TRO: variants seen among roughly 807,000 people sequenced by gnomAD.
The protein encoded by TRO is MAGE superfamily protein.
A neutral mutation model predicts 42.3 loss-of-function variants in TRO; 29 were observed. That is an observed-to-expected ratio of 0.68 (90% CI 0.51 to 0.93). TRO has a LOEUF of 0.93. TRO is among the 40% of genes least tolerant of loss of function. The pLI is 0.00. For synonymous variants in TRO, 384 were observed against 425.2 expected (o/e 0.90, Z 1.19); for missense variants, 963 against 1,127.7 (o/e 0.85, Z 2.09).
chrX:54,927,283 C>A, intron 10 of TRO, 178 bp downstream of exon 10: 1 of 549,107 alleles, frequency 1.8e-6, no homozygotes, highest in Non-Finnish European at 3.0e-6. Flanking sequence ...CTGGGCCAGA[C>A]TCAACACAAG....
chrX:54,921,402 A>T (rs1167904722), intron 1 of TRO: 6 of 110,376 alleles, frequency 5.4e-5, no homozygotes, highest in African/African-American at 1.7e-4. Context: ...TTTGAAAGGG[A>T]AGAGACAGGA....
At chrX:54,925,785 A>T (rs1932682340) in intron 7 of TRO, 102 bp downstream of exon 7, 2 of 707,660 alleles carry the variant, frequency 2.8e-6, no homozygotes, top group Non-Finnish European at 4.2e-6. Context: ...AGAGTCAGGA[A>T]AAACAGGGTC....
At chrX:54,925,804 C>G in intron 7 of TRO, 121 bp downstream of exon 7, 1 of 553,578 alleles carries the variant, frequency 1.8e-6, no homozygotes, top group Non-Finnish European at 2.9e-6. Context: ...TCTCAAAAGC[C>G]CTGTCTCAGC....
At chrX:54,931,082 TG>T (rs764346131) in intron 12 of TRO, 51 bp downstream of exon 12, 29 of 1,171,594 alleles carry the variant, frequency 2.5e-5, no homozygotes, top group Non-Finnish European at 3.1e-5. Context: ...GTACAAGAGC[TG>T]GGAGATGTTG....
At chrX:54,924,181 T>C (rs1932476460) in intron 3 of TRO, among the ~76,000 whole-genome samples, 1 of 111,918 alleles carries the variant, frequency 8.9e-6, no homozygotes, top group South Asian at 3.7e-4. Context: ...GCCAGCATAA[T>C]TGGTGGTAGC....
In TRO at chrX:54,923,114, A is replaced by G; in HGVS notation, c.582A>G (p.Gln194=). 1 of 1,211,803 alleles carries G rather than the reference A, an allele frequency of 8.3e-7. No individual in the cohort carries two copies. ...TTGCCAATGAGTCAGCCAGTTCCCA[A>G]GCCTTGATAACCTCTATCAAGCCTA... ...APIANESASS[Q]ALITSIKPKK... is the part of the protein sequence containing the mutation. The change falls in exon 3 of 13, where the codon CAA becomes CAG. Residue 194 remains glutamine (Q), a synonymous_variant. Coordinates refer to ENST00000173898, the MANE Select transcript of TRO (RefSeq NM_001039705.3).
At position 54,923,302 on chromosome X, in the gene TRO, C is replaced by G; in HGVS notation, c.770C>G (p.Ala257Gly). ...GCAGCCTCCATCCGAACCAAGAAAGCCTCCAAAGCCAGGAAGACAATTGCT... is the reference window on the plus strand; with the variant it reads ...GCAGCCTCCATCCGAACCAAGAAAGGCTCCAAAGCCAGGAAGACAATTGCT... ...TTAASIRTKK[A>G]SKARKTIAKV... Residue 257 changes from alanine to glycine, a missense_variant, in exon 3 of 13, where the codon GCC becomes GGC. Physicochemically the swap from Ala to Gly is moderately conservative, Grantham distance 60. Around this residue, in one of 2 missense-constraint regions of TRO, gnomAD observed 322 missense variants for 316.5 expected, o/e 1.02. Transcript: ENST00000173898. 8.3e-7 allele frequency: 1 copy of G among 1,211,234 alleles called. No homozygotes were observed. Among genetic ancestry groups the G allele is most frequent in the Non-Finnish European group, 1.1e-6 (1 of 895,287 alleles).
Position 54,928,656 on chromosome X carries a change from G to A in TRO, c.1932G>A (p.Glu644=), listed in dbSNP as rs1172650651. Residue 644 remains glutamate (E), a synonymous_variant, in exon 12 of 13, where the codon GAG becomes GAA. Transcript: ENST00000173898. ...CTGTGCAGTACCGCGAGGCAGTGGA[G>A]ATGGAAGTCCAAGCTGCAGCTGTGG... is the stretch of plus-strand genomic sequence containing the variant. ...DWAVQYREAV[E]MEVQAAAVAV... is the part of the protein sequence containing the mutation. 1 of 1,197,535 alleles carries A rather than the reference G, an allele frequency of 8.4e-7. No homozygotes were observed. The highest frequency in any genetic ancestry group is 1.1e-6 in the Non-Finnish European group (1 of 888,547).
chrX:54,928,618 C>G lies in TRO; in HGVS notation c.1894C>G (p.Pro632Ala). The G allele has an allele frequency of 8.7e-7, 1 of 1,146,658 alleles. No individual in the cohort carries two copies. The highest frequency in any genetic ancestry group is 1.2e-6 in the Non-Finnish European group (1 of 865,251). 94.5% of individuals were successfully genotyped at this position (1,146,658 alleles called of 1,213,427 possible). ...KFACRVQKKD[P>A]KDWAVQYREA... ...CCCATTTCAGGTGCAGAAGAAAGAC[C>G]CCAAGGACTGGGCTGTGCAGTACCG... Residue 632 changes from proline (P) to alanine (A), a missense_variant, in exon 12 of 13, where the codon CCC becomes GCC. Around this residue, in one of 2 missense-constraint regions of TRO, gnomAD observed 641 missense variants for 811.3 expected, o/e 0.79. Transcript: ENST00000173898.
At position 54,924,996 on chromosome X, in the gene TRO, G is replaced by A. The variant is rs372496542; in HGVS notation, c.1413G>A (p.Leu471=). 1 of 1,209,277 alleles carries A rather than the reference G, an allele frequency of 8.3e-7. No individual in the cohort carries two copies. The highest frequency in any genetic ancestry group is 1.7e-5 in the African/African-American group (1 of 57,358). ...TKIPIKRSDM[L]RDVIQEYDEY... ...ACCTCTCCTTTTCTACAGACATGCT[G>A]AGGGATGTCATCCAAGAATATGATG... The change falls in exon 6 of 13, where the codon CTG becomes CTA. Residue 471 remains leucine, a synonymous_variant. Transcript: ENST00000173898.
chrX:54,930,032 T>C lies in TRO; in HGVS notation c.3308T>C (p.Phe1103Ser). ...ACCAACCCTGGCTTTGGCGGTGCAT[T>C]TAGCACCAGTGCTGGCTTCGGTGGG... ...PITNPGFGGA[F>S]STSAGFGGAL... Residue 1103 changes from phenylalanine to serine, a missense_variant, in exon 12 of 13, where the codon TTT becomes TCT. Physicochemically the swap from Phe to Ser is radical, Grantham distance 155. Around this residue, in one of 2 missense-constraint regions of TRO, gnomAD observed 641 missense variants for 811.3 expected, o/e 0.79. Coordinates refer to ENST00000173898, the MANE Select transcript of TRO (RefSeq NM_001039705.3). 1 of 1,211,396 alleles carries C rather than the reference T, an allele frequency of 8.3e-7. No homozygotes were observed. The highest frequency in any genetic ancestry group is 1.8e-5 in the South Asian group (1 of 56,979).
At position 54,927,593 on chromosome X, in the gene TRO, G is replaced by T. The variant is rs1932810342; in HGVS notation, c.1764-74G>T. The T allele has an allele frequency of 1.5e-5, 12 of 782,897 alleles. No individual in the cohort carries two copies. The East Asian group carries it at 3.6e-4, about 23-fold the overall frequency. The allele number at this position is 782,897 out of a possible 1,213,427, so 64.5% of individuals were successfully genotyped here. On this transcript the variant is annotated intron_variant, in intron 10 of 12. Transcript: ENST00000173898. ...GGCTGTTTGTATTTGTTTGGAGGAG[G>T]TTGCCACCTGGTGTCTAGTGCTTAG...
In TRO at chrX:54,928,748, C is replaced by T. The variant is rs774494817; in HGVS notation, c.2024C>T (p.Ala675Val). The change falls in exon 12 of 13, where the codon GCT becomes GTT. Residue 675 changes from alanine to valine, a missense_variant. Coordinates refer to ENST00000173898, the MANE Select transcript of TRO (RefSeq NM_001039705.3). ...ATGGGGATTGGAGAGGAAGCTGTGG[C>T]TGGGCCCTGGAATTGGGATGACATG... ...AQMGIGEEAV[A>V]GPWNWDDMDI... 8.0e-5 allele frequency: 97 copies of T among 1,208,676 alleles called. No individual in the cohort carries two copies. Among genetic ancestry groups the T allele is most frequent in the Non-Finnish European group, 1.1e-4 (95 of 894,496 alleles).
chrX:54,923,822 C>G (rs1786426532), intron 3 of TRO, 54 bp downstream of exon 3: 2 of 1,083,927 alleles, frequency 1.8e-6, no homozygotes, highest in Non-Finnish European at 2.5e-6. Flanking sequence ...CCATTTCTAC[C>G]CTTCTAGTTT....
Position 54,929,379 on chromosome X carries a change from C to T in TRO, c.2655C>T (p.Thr885=), listed in dbSNP as rs1027250973. 1 of 1,211,124 alleles carries T rather than the reference C, an allele frequency of 8.3e-7. No individual in the cohort carries two copies. The highest frequency in any genetic ancestry group is 2.2e-5 in the Admixed American group (1 of 45,962). ...TSTVFSSALS[T]STGFGGILST... The stretch of plus-strand genomic sequence containing the variant: ...CAGTCTTCAGTAGTGCGCTTAGCAC[C>T]AGCACTGGCTTTGGAGGCATACTCA... Residue 885 remains threonine, a synonymous_variant, in exon 12 of 13, where the codon ACC becomes ACT. Transcript: ENST00000173898.
chrX:54,931,400 G>T lies in TRO; in HGVS notation c.*208G>T. On this transcript the variant is annotated 3_prime_UTR_variant, in exon 13 of 13. Coordinates refer to ENST00000173898, the MANE Select transcript of TRO (RefSeq NM_001039705.3). Reference sequence around the variant, plus strand: ...GCTTTCTGTGTGCTGTCATATTTTGGTATCAGAGTTACATTAAATTTGCAA... The same window carrying T: ...GCTTTCTGTGTGCTGTCATATTTTGTTATCAGAGTTACATTAAATTTGCAA... 8.8e-7 allele frequency: 1 copy of T among 1,135,364 alleles called. No individual in the cohort carries two copies. Among genetic ancestry groups the T allele is most frequent in the Non-Finnish European group, 1.2e-6 (1 of 831,626 alleles). 93.6% of individuals were successfully genotyped at this position (1,135,364 alleles called of 1,213,427 possible).
rs776049146 is a variant in TRO at position 54,923,002 on chromosome X, C to T, written c.470C>T (p.Thr157Ile). ...GCAGCCCAAGGCTCCCAATCCCCAACTGGCCATGAGGGTGGCACTATACAG... is the reference window on the plus strand; with the variant it reads ...GCAGCCCAAGGCTCCCAATCCCCAATTGGCCATGAGGGTGGCACTATACAG... ...AKAAQGSQSP[T>I]GHEGGTIQLK... Residue 157 changes from threonine to isoleucine, a missense_variant, in exon 3 of 13, where the codon ACT becomes ATT. Thr to Ile is a moderately conservative substitution (Grantham distance 89). This residue lies in a region of TRO where 322 missense variants were observed against 316.5 expected (regional missense o/e 1.02). Transcript: ENST00000173898. 34 of 1,210,534 alleles carry T rather than the reference C, an allele frequency of 2.8e-5. No homozygotes were observed. The African/African-American group carries it at 4.0e-4, about 14-fold the overall frequency.
Position 54,931,238 on chromosome X carries a change from A to T in TRO, c.*46A>T. 8.3e-7 allele frequency: 1 copy of T among 1,211,632 alleles called. No homozygotes were observed. Among genetic ancestry groups the T allele is most frequent in the Non-Finnish European group, 1.1e-6 (1 of 895,275 alleles). ...CCATGTTTACAGATACCGCTAATAA[A>T]TTGCAGTAGTCCTTCCCATGGAGCC... On this transcript the variant is annotated 3_prime_UTR_variant, in exon 13 of 13. Coordinates refer to ENST00000173898, the MANE Select transcript of TRO (RefSeq NM_001039705.3).
chrX:54,924,912 CCAA>C, intron 5 of TRO, 74 bp from the exon 6 acceptor site: 1 of 1,070,382 alleles, frequency 9.3e-7, no homozygotes, highest in Non-Finnish European at 1.3e-6. Context: ...TTGCACTGAC[CCAA>C]CAGGACTGGC....
Sources: gnomAD v4.1 joint callset for allele counts (sites outside exome capture counted in the v4.1 genomes callset) on GRCh38, gnomAD v4.1.1 for gene constraint, gnomAD v4.1.1 regional missense constraint, MANE v1.5 for transcripts, NCBI Gene and HGNC (gene_info 2026-07-23, HGNC 2026-07-21) for gene names.